Variants in BBS9 observed in about 807,000 individuals in gnomAD.
The protein encoded by BBS9 is protein PTHB1.
In BBS9, 89 loss-of-function variants were observed where a neutral mutation model predicts 117.7. The observed-to-expected ratio is 0.76, with a 90% CI of 0.64 to 0.90. The LOEUF is 0.90. Ranked by LOEUF, BBS9 falls within the 40% of genes least tolerant of loss-of-function variation. BBS9 has a pLI of 0.00. For synonymous variants in BBS9, 379 were observed against 370.9 expected (o/e 1.02, Z -0.25); for missense variants, 982 against 1,042.2 (o/e 0.94, Z 0.80).
intron 21 of BBS9, among the ~76,000 whole-genome samples, chr7:33,632,881 G>C (rs1865960599): frequency 6.6e-6 from 1 of 152,174 alleles, no homozygotes; most frequent in Admixed American, 6.5e-5. Context: ...GTTTGAATGA[G>C]GGGATGGCTG....
intron 19 of BBS9, among the ~76,000 whole-genome samples, chr7:33,496,156 A>G (rs1241163059): frequency 6.6e-6 from 1 of 152,134 alleles, no homozygotes; most frequent in East Asian, 1.9e-4. Flanking sequence ...TTTTTTACTG[A>G]CTGGGTACAC....
At chr7:33,368,104 ATGTAAC>A (rs1822141274) in intron 17 of BBS9, among the ~76,000 whole-genome samples, 1 of 152,172 alleles carries the variant, frequency 6.6e-6, no homozygotes. Context: ...AAAATCAGAT[ATGTAAC>A]TGATATATTC....
At chr7:33,589,256 A>G (rs1002668451) in intron 21 of BBS9, among the ~76,000 whole-genome samples, 2 of 152,162 alleles carry the variant, frequency 1.3e-5, no homozygotes, top group African/African-American at 4.8e-5. Flanking sequence ...GGCAGGCAGC[A>G]TATGCAGCAT....
chr7:33,510,059 G>T (rs1280801502), intron 20 of BBS9, among the ~76,000 whole-genome samples: 1 of 152,056 alleles, frequency 6.6e-6, no homozygotes, highest in South Asian at 2.1e-4. Flanking sequence ...CATGACAGAA[G>T]AACATTAAGT....
chr7:33,488,872 G>A (rs1485129548), intron 19 of BBS9, among the ~76,000 whole-genome samples: 1 of 151,748 alleles, frequency 6.6e-6, no homozygotes, highest in East Asian at 1.9e-4. Flanking sequence ...AAGAAAAGTA[G>A]TTTTCATATG....
At chr7:33,589,566 C>A (rs1272663863) in intron 21 of BBS9, among the ~76,000 whole-genome samples, 1 of 151,940 alleles carries the variant, frequency 6.6e-6, no homozygotes, top group Admixed American at 6.6e-5. Context: ...AATTTCCTAA[C>A]AAAATGGACA....
At chr7:33,534,244 G>A (rs975687393) in intron 21 of BBS9, 68 bp downstream of exon 21, 131 of 1,499,078 alleles carry the variant, frequency 8.7e-5, no homozygotes, top group Non-Finnish European at 1.2e-4. Flanking sequence ...TGTGCCTGTG[G>A]TTGTATTTGG....
intron 4 of BBS9, among the ~76,000 whole-genome samples, chr7:33,165,188 C>T (rs868063435): frequency 5.3e-5 from 8 of 152,206 alleles, no homozygotes; most frequent in East Asian, 3.9e-4. Flanking sequence ...GAGTTTCTGC[C>T]GAGAGATCCG....
intron 19 of BBS9, among the ~76,000 whole-genome samples, chr7:33,488,830 G>A (rs1322347175): frequency 1.3e-5 from 2 of 151,998 alleles, no homozygotes; most frequent in Non-Finnish European, 2.9e-5. Context: ...CCATTTTAGA[G>A]CTTATTTCTG....
intron 5 of BBS9, among the ~76,000 whole-genome samples, chr7:33,218,560 G>T (rs1223583730): frequency 1.3e-5 from 2 of 152,214 alleles, no homozygotes; most frequent in Non-Finnish European, 2.9e-5. Flanking sequence ...GGAGATAGGC[G>T]AGTATTCAGA....
chr7:33,167,841 T>A (rs756564497), intron 4 of BBS9, among the ~76,000 whole-genome samples: 1 of 152,168 alleles, frequency 6.6e-6, no homozygotes, highest in Non-Finnish European at 1.5e-5. Context: ...TTTGGATGCT[T>A]GTAAAGTTTT....
intron 17 of BBS9, among the ~76,000 whole-genome samples, chr7:33,370,658 T>C (rs1026780849): frequency 6.6e-6 from 1 of 152,176 alleles, no homozygotes; most frequent in African/African-American, 2.4e-5. Flanking sequence ...ATAATGGGAT[T>C]TCAGAAAAAT....
chr7:33,367,919 A>T, intron 17 of BBS9, 57 bp downstream of exon 17: 1 of 1,302,596 alleles, frequency 7.7e-7, no homozygotes, highest in Non-Finnish European at 1.1e-6. Flanking sequence ...ATACCACATC[A>T]CAGAGGATAC....
At chr7:33,385,859 A>G (rs1198456677) in intron 18 of BBS9, among the ~76,000 whole-genome samples, 1 of 152,130 alleles carries the variant, frequency 6.6e-6, no homozygotes, top group East Asian at 1.9e-4. Context: ...AAATATTTTT[A>G]TTACTTAATT....
At chr7:33,483,147 G>A (rs1466736773) in intron 19 of BBS9, among the ~76,000 whole-genome samples, 1 of 152,140 alleles carries the variant, frequency 6.6e-6, no homozygotes, top group African/African-American at 2.4e-5. Flanking sequence ...TGTTTCATAA[G>A]TGTATCCTGT....
At chr7:33,386,161 G>A (rs1825973137) in intron 18 of BBS9, among the ~76,000 whole-genome samples, 1 of 152,098 alleles carries the variant, frequency 6.6e-6, no homozygotes, top group East Asian at 1.9e-4. Context: ...AGAAGAAAAT[G>A]TCTCTCAAAA....
At chr7:33,573,250 C>A (rs1858142313) in intron 21 of BBS9, among the ~76,000 whole-genome samples, 1 of 151,852 alleles carries the variant, frequency 6.6e-6, no homozygotes, top group African/African-American at 2.4e-5. Flanking sequence ...ATTAAGAAAC[C>A]AGTATCTGAG....
At chr7:33,542,009 CAGG>C (rs1364584438) in intron 21 of BBS9, among the ~76,000 whole-genome samples, 1 of 151,906 alleles carries the variant, frequency 6.6e-6, no homozygotes, top group Admixed American at 6.6e-5. Flanking sequence ...TTAGAAAATT[CAGG>C]TGAACTAAAA....
rs376590414 is a variant in BBS9 at position 33,499,773 on chromosome 7, C to T, written c.2116-5690C>T. Among the ~76,000 whole-genome samples, 24 of 152,278 alleles carry T rather than the reference C, an allele frequency of 1.6e-4. No individual in the cohort carries two copies. The East Asian group carries it at 4.4e-3, about 28-fold the overall frequency. ...ATGGGAGCAATAATAGTATATACCT[C>T]ACAGTATTGTTTTTATAATTAAGTG... is the stretch of plus-strand genomic sequence containing the variant. On this transcript the variant is annotated intron_variant, in intron 19 of 22. Coordinates refer to ENST00000242067, the MANE Select transcript of BBS9 (RefSeq NM_198428.3).
Sources: allele counts gnomAD v4.1 joint callset (sites outside exome capture counted in the v4.1 genomes callset), GRCh38; gene constraint gnomAD v4.1.1; transcripts MANE v1.5; gene names NCBI Gene and HGNC (gene_info 2026-07-23, HGNC 2026-07-21).